The following LHFPL3 variants were observed in gnomAD, a reference collection of about 807,000 sequenced individuals.
LHFPL3 encodes the protein LHFPL tetraspan subfamily member 3 protein.
A neutral mutation model predicts 19.3 loss-of-function variants in LHFPL3; 5 were observed. That is an observed-to-expected ratio of 0.26 (90% confidence interval 0.14 to 0.54). The LOEUF is 0.54. LHFPL3 is among the 20% of genes least tolerant of loss of function. The pLI is 0.94. For missense variants in LHFPL3, 249 were observed against 307.4 expected, an observed-to-expected ratio of 0.81 and a Z score of 1.42; for synonymous variants, 133 against 126.2, an observed-to-expected ratio of 1.05 and a Z score of -0.36.
chr7:104,430,402 A>ATG (rs1562895131), intron 1 of LHFPL3, among the ~76,000 whole-genome samples: 7 of 34,164 alleles, frequency 2.0e-4, no homozygotes, highest in African/African-American at 7.4e-4. Flanking sequence ...ATATATATAT[A>ATG]TACATATATA....
At chr7:104,882,201 T>A (rs905867511) in intron 2 of LHFPL3, among the ~76,000 whole-genome samples, 2 of 152,182 alleles carry the variant, frequency 1.3e-5, no homozygotes, top group African/African-American at 2.4e-5. Context: ...TTAGGCTAAC[T>A]GAAAGAATCC....
chr7:104,519,833 G>A (rs758677055), intron 1 of LHFPL3, among the ~76,000 whole-genome samples: 11 of 151,972 alleles, frequency 7.2e-5, no homozygotes, highest in South Asian at 2.1e-4. Flanking sequence ...GCCATATTGG[G>A]GGTTGGTCAG....
rs148904903 is a variant in LHFPL3, at chr7:104,574,342, A to C, written c.446-162333A>C. ...AGGGGGCAGGGACAGGGACAAGAAC[A>C]AGCTCTGCTGGATAAGTAACATAAA... is the stretch of plus-strand genomic sequence containing the variant. On this transcript the variant is annotated intron_variant, in intron 1 of 2. Coordinates refer to ENST00000424859, the MANE Select transcript of LHFPL3 (RefSeq NM_199000.3). 1.3e-3 allele frequency among the ~76,000 whole-genome samples: 198 copies of C among 152,358 alleles called. 1 individual carries two copies. The highest frequency in any genetic ancestry group is 4.5e-3 in the African/African-American group (187 of 41,584).
chr7:104,804,625 A>G (rs931096396), intron 2 of LHFPL3, among the ~76,000 whole-genome samples: 2 of 152,192 alleles, frequency 1.3e-5, no homozygotes, highest in African/African-American at 2.4e-5. Context: ...CTCAGCTTGC[A>G]TGCTTTGATG....
chr7:104,533,861 A>G (rs909723192), intron 1 of LHFPL3, among the ~76,000 whole-genome samples: 5 of 152,066 alleles, frequency 3.3e-5, no homozygotes, highest in Non-Finnish European at 7.4e-5. Context: ...CTCTGATGAT[A>G]TTGTCCTATG....
At chr7:104,595,302 A>C (rs1790825004) in intron 1 of LHFPL3, among the ~76,000 whole-genome samples, 1 of 152,134 alleles carries the variant, frequency 6.6e-6, no homozygotes, top group African/African-American at 2.4e-5. Context: ...CAGGTCTCTC[A>C]GCTATAGGTC....
intron 1 of LHFPL3, among the ~76,000 whole-genome samples, chr7:104,666,769 G>A (rs909765637): frequency 2.6e-5 from 4 of 151,800 alleles, no homozygotes; most frequent in East Asian, 3.9e-4. Flanking sequence ...TGATCCGCCC[G>A]CCTCGGCCTC....
chr7:104,563,423 C>A (rs113961385), intron 1 of LHFPL3, among the ~76,000 whole-genome samples: 8,715 of 150,558 alleles, frequency 0.058, no homozygotes, highest in African/African-American at 0.13. Context: ...GCACAGTATT[C>A]GGGTGGGAGT....
At chr7:104,463,142 G>A (rs1264661744) in intron 1 of LHFPL3, among the ~76,000 whole-genome samples, 3 of 151,946 alleles carry the variant, frequency 2.0e-5, no homozygotes, top group African/African-American at 4.8e-5. Flanking sequence ...TTCTTTATTA[G>A]TCTAGCTAGC....
At chr7:104,680,967 AC>A (rs1792683868) in intron 1 of LHFPL3, among the ~76,000 whole-genome samples, 1 of 152,194 alleles carries the variant, frequency 6.6e-6, no homozygotes, top group Non-Finnish European at 1.5e-5. Context: ...CAAACCTAAA[AC>A]AGCTTAAATT....
At chr7:104,340,892 C>T (rs1584598689) in intron 1 of LHFPL3, among the ~76,000 whole-genome samples, 1 of 152,186 alleles carries the variant, frequency 6.6e-6, no homozygotes, top group East Asian at 1.9e-4. Context: ...ACTGCAACTA[C>T]ACAAACTTAA....
intron 2 of LHFPL3, among the ~76,000 whole-genome samples, chr7:104,875,539 G>A (rs1791922178): frequency 6.6e-6 from 1 of 152,194 alleles, no homozygotes. Context: ...ATTCCTCCCA[G>A]ATAATCCCAG....
intron 1 of LHFPL3, among the ~76,000 whole-genome samples, chr7:104,583,901 G>A (rs1289254543): frequency 5.3e-5 from 8 of 151,604 alleles, no homozygotes; most frequent in South Asian, 4.2e-4. Context: ...TCAGTGTGGC[G>A]ATTCCTCAGG....
intron 1 of LHFPL3, among the ~76,000 whole-genome samples, chr7:104,633,601 AATG>A (rs1343265797): frequency 6.6e-6 from 1 of 152,184 alleles, no homozygotes; most frequent in African/African-American, 2.4e-5. Flanking sequence ...TCCTTCCTAA[AATG>A]ATATCAGATG....
intron 2 of LHFPL3, among the ~76,000 whole-genome samples, chr7:104,879,989 G>A (rs558592906): frequency 2.0e-5 from 3 of 152,218 alleles, no homozygotes; most frequent in Admixed American, 2.0e-4. Flanking sequence ...CCCAGGAATT[G>A]GAGGCCAGCC....
intron 1 of LHFPL3, among the ~76,000 whole-genome samples, chr7:104,535,793 G>A (rs186742987): frequency 9.8e-5 from 15 of 152,338 alleles, no homozygotes; most frequent in South Asian, 4.1e-4. Context: ...GAAAAGAGTA[G>A]GGGACATTTA....
intron 1 of LHFPL3, among the ~76,000 whole-genome samples, chr7:104,578,587 TC>T (rs1432294973): frequency 6.6e-6 from 1 of 152,144 alleles, no homozygotes; most frequent in Non-Finnish European, 1.5e-5. Context: ...TATTGGGATC[TC>T]CTGTGTTGTA....
chr7:104,807,969 G>T (rs1007456470), intron 2 of LHFPL3, among the ~76,000 whole-genome samples: 1 of 152,202 alleles, frequency 6.6e-6, no homozygotes, highest in African/African-American at 2.4e-5. Context: ...GTGTTTATTT[G>T]CAGTGAGGCA....
In LHFPL3 at chr7:104,755,601, C is replaced by CACACAG. The variant is rs1333540754; in HGVS notation, c.682+18691_682+18692insCACAGA. On this transcript the variant is annotated intron_variant, in intron 2 of 2. Transcript: ENST00000424859. ...ACACCACCACACACACACACACACA[C>CACACAG]AGAGAGAAACACCCACATATATTAA... Among the ~76,000 whole-genome samples the CACACAG allele has an allele frequency of 2.4e-4, 37 of 151,716 alleles. No homozygotes were observed. The South Asian group carries it at 3.3e-3, about 14-fold the overall frequency.
Sources: allele counts gnomAD v4.1 joint callset (sites outside exome capture counted in the v4.1 genomes callset), GRCh38; gene constraint gnomAD v4.1.1; transcripts MANE v1.5; gene names NCBI Gene and HGNC (gene_info 2026-07-23, HGNC 2026-07-21).